Variants in RASSF3 observed in about 807,000 individuals in gnomAD.
The protein encoded by RASSF3 is ras association domain-containing protein 3.
Under a neutral mutation model 19.9 loss-of-function variants are expected in RASSF3, and 19 were observed. The observed-to-expected ratio is 0.96, with a 90% CI of 0.67 to 1.40. RASSF3 has a LOEUF of 1.40. Among genes scored for constraint, RASSF3 ranks in the 40% most tolerant of loss-of-function variants. The pLI is 0.00. For synonymous variants in RASSF3, 110 were observed against 104.2 expected (o/e 1.06, Z -0.34); for missense variants, 306 against 289.8 (o/e 1.06, Z -0.41).
intron 1 of RASSF3, among the ~76,000 whole-genome samples, chr12:64,672,623 C>T (rs1169351979): frequency 6.6e-6 from 1 of 152,168 alleles, no homozygotes; most frequent in Non-Finnish European, 1.5e-5. Flanking sequence ...ATCCTCCCAC[C>T]TCAGCTTCCC....
At chr12:64,669,404 C>T (rs1055428827) in intron 1 of RASSF3, among the ~76,000 whole-genome samples, 1 of 152,060 alleles carries the variant, frequency 6.6e-6, no homozygotes, top group African/African-American at 2.4e-5. Context: ...CCCTGTCACA[C>T]GTGGAGATAA....
At chr12:64,537,604 C>T (rs1449608213) in intron 1 of RASSF3, among the ~76,000 whole-genome samples, 1 of 152,210 alleles carries the variant, frequency 6.6e-6, no homozygotes, top group East Asian at 1.9e-4. Flanking sequence ...ACTTCTTACT[C>T]AACATCTCTG....
rs138961170 is a variant in RASSF3 at position 64,618,277 on chromosome 12, G to A, written c.111+7534G>A. 1.2e-3 allele frequency among the ~76,000 whole-genome samples: 183 copies of A among 152,234 alleles called. 1 individual carries two copies. The highest frequency in any genetic ancestry group is 4.1e-3 in the African/African-American group (170 of 41,548). ...TTTTTCTTAATAGTTTAAACAGGTA[G>A]TTCTGGTTTGGCTATCAGTAGTGTT... On this transcript the variant is annotated intron_variant, in intron 1 of 4. Transcript: ENST00000542104.
chr12:64,563,877 T>C (rs1230166900), intron 2 of RASSF3, among the ~76,000 whole-genome samples: 1 of 152,122 alleles, frequency 6.6e-6, no homozygotes, highest in Non-Finnish European at 1.5e-5. Context: ...TCATATGACT[T>C]ACCACTATGC....
intron 1 of RASSF3, among the ~76,000 whole-genome samples, chr12:64,635,496 G>A (rs1000745467): frequency 2.6e-5 from 4 of 152,162 alleles, no homozygotes; most frequent in Admixed American, 6.5e-5. Context: ...TGAAGAGCAC[G>A]CTGCTGTTGA....
intron 2 of RASSF3, among the ~76,000 whole-genome samples, chr12:64,590,142 T>TA (rs963109874): frequency 8.1e-5 from 12 of 147,826 alleles, no homozygotes; most frequent in African/African-American, 3.0e-4. Context: ...GAGGTTCAGG[T>TA]AGGAGGATCA....
At position 64,629,095 on chromosome 12, in the gene RASSF3, C is replaced by T. The variant is rs550980266; in HGVS notation, c.111+18352C>T. 2.3e-4 allele frequency among the ~76,000 whole-genome samples: 34 copies of T among 150,730 alleles called. No homozygotes were observed. In the East Asian group the frequency reaches 3.7e-3, roughly 16 times the overall value. On this transcript the variant is annotated intron_variant, in intron 1 of 4. Coordinates refer to ENST00000542104, the MANE Select transcript of RASSF3 (RefSeq NM_178169.4). ...GATCACAGGTGCAGACCACCACACC[C>T]GACTAATTTTCTTTTTTTTTTTTTT...
intron 2 of RASSF3, among the ~76,000 whole-genome samples, chr12:64,595,515 C>T (rs1355010935): frequency 1.3e-5 from 2 of 152,164 alleles, no homozygotes; most frequent in African/African-American, 4.8e-5. Context: ...GGAATATTTG[C>T]ATCTTTGTGC....
chr12:64,644,044 A>C (rs1409239309), intron 1 of RASSF3, among the ~76,000 whole-genome samples: 1 of 152,178 alleles, frequency 6.6e-6, no homozygotes, highest in Non-Finnish European at 1.5e-5. Flanking sequence ...TTGCTTTTGC[A>C]TGTCAACATT....
chr12:64,631,395 G>C (rs554365226), intron 1 of RASSF3, among the ~76,000 whole-genome samples: 1 of 152,248 alleles, frequency 6.6e-6, no homozygotes, highest in South Asian at 2.1e-4. Context: ...TGCAGTGGGT[G>C]GTGAGTGAAT....
At chr12:64,659,039 C>T (rs1205554103) in intron 1 of RASSF3, among the ~76,000 whole-genome samples, 1 of 152,190 alleles carries the variant, frequency 6.6e-6, no homozygotes, top group Middle Eastern at 3.2e-3. Context: ...TGCCACTGCA[C>T]TCCAGCCTGA....
chr12:64,639,803 C>T (rs79216626), intron 1 of RASSF3, among the ~76,000 whole-genome samples: 3,736 of 152,156 alleles, frequency 0.025, 82 homozygotes, highest in Non-Finnish European at 0.036. Flanking sequence ...AACAATTTTC[C>T]TATTATGGTA....
intron 1 of RASSF3, among the ~76,000 whole-genome samples, chr12:64,627,955 AG>A (rs1385458913): frequency 6.6e-6 from 1 of 152,220 alleles, no homozygotes; most frequent in Non-Finnish European, 1.5e-5. Context: ...AGGATTTGAG[AG>A]GGCTTCACAA....
chr12:64,588,179 C>T (rs975718443), intron 2 of RASSF3, among the ~76,000 whole-genome samples: 5 of 152,228 alleles, frequency 3.3e-5, no homozygotes, highest in African/African-American at 1.2e-4. Context: ...TTGGCTTAAG[C>T]GATCCTCCCA....
At chr12:64,687,859 A>C (rs1042525322) in intron 2 of RASSF3, among the ~76,000 whole-genome samples, 3 of 152,062 alleles carry the variant, frequency 2.0e-5, no homozygotes, top group African/African-American at 4.8e-5. Context: ...AGCTTTAATA[A>C]GTTTTGTGGT....
In RASSF3 at chr12:64,602,590, G is replaced by A. The variant is rs866173333; in HGVS notation, c.294+60885G>A. ...GCGAGACTCCATCTCAAAAAAAAAAGAAAAAAGAAAAAAAAATGAAAAAAA... is the reference window on the plus strand; with the variant it reads ...GCGAGACTCCATCTCAAAAAAAAAAAAAAAAAGAAAAAAAAATGAAAAAAA... On this transcript the variant is annotated intron_variant, in intron 2 of 5. Coordinates refer to the RASSF3 transcript ENST00000637125. 3.3e-3 allele frequency among the ~76,000 whole-genome samples: 460 copies of A among 141,332 alleles called. 3 individuals carry two copies. Among genetic ancestry groups the A allele is most frequent in the African/African-American group, 0.013 (438 of 33,906 alleles). 92.7% of individuals were successfully genotyped at this position (141,332 alleles called of 152,430 possible). A position where few individuals can be genotyped will look rare whatever the true frequency, so the allele number is the denominator to read the frequency against.
intron 1 of RASSF3, among the ~76,000 whole-genome samples, chr12:64,641,402 G>GCA (rs1555213814): frequency 1.3e-4 from 13 of 102,676 alleles, no homozygotes; most frequent in Admixed American, 3.0e-4. Flanking sequence ...TCTCACAGGC[G>GCA]CACACACACA....
In RASSF3 at chr12:64,694,803, G is replaced by C; in HGVS notation, c.608G>C (p.Arg203Pro). ...FSLPELQNFL[R>P]ILDKEEDEQL... ...CTTCCAGAACTACAGAATTTCTTGCGCATCTTGGACAAGGAAGAAGATGAA... is the reference window on the plus strand; with the variant it reads ...CTTCCAGAACTACAGAATTTCTTGCCCATCTTGGACAAGGAAGAAGATGAA... Residue 203 changes from arginine to proline, a missense_variant, in exon 5 of 5, where the codon CGC (arginine) becomes CCC (proline). Arg to Pro is a moderately radical substitution (Grantham distance 103). Coordinates refer to ENST00000542104, the MANE Select transcript of RASSF3 (RefSeq NM_178169.4). The C allele has an allele frequency of 6.2e-7, 1 of 1,614,154 alleles. No homozygotes were observed. Among genetic ancestry groups the C allele is most frequent in the Non-Finnish European group, 8.5e-7 (1 of 1,180,000 alleles).
chr12:64,659,980 G>GTA (rs993095142), intron 1 of RASSF3, among the ~76,000 whole-genome samples: 5 of 148,032 alleles, frequency 3.4e-5, no homozygotes, highest in South Asian at 2.1e-4. Flanking sequence ...GTGTGTGTGT[G>GTA]TGTATGTATG....
Sources: allele counts gnomAD v4.1 joint callset (sites outside exome capture counted in the v4.1 genomes callset), GRCh38; gene constraint gnomAD v4.1.1; transcripts MANE v1.5; gene names NCBI Gene and HGNC (gene_info 2026-07-23, HGNC 2026-07-21).